Variants in RAD54B observed in about 807,000 individuals in gnomAD.
The protein encoded by RAD54B is RAD54 homolog B, also known as DNA repair and recombination protein RAD54B.
Under a neutral mutation model 95.8 loss-of-function variants are expected in RAD54B, and 78 were observed. The ratio of observed to expected loss-of-function variants is 0.81; its 90% CI spans 0.68 to 0.98. The LOEUF is 0.98. Ranked by LOEUF, RAD54B falls within the 50% of genes least tolerant of loss-of-function variation. The probability of loss-of-function intolerance (pLI) is 0.00; values close to 1 mark genes in which losing one functional copy is unlikely to be tolerated. For missense variants in RAD54B, 957 were observed against 1,056.6 expected (o/e 0.91, Z 1.31); for synonymous variants, 328 against 354.9 (o/e 0.92, Z 0.85).
intron 3 of RAD54B, among the ~76,000 whole-genome samples, chr8:94,412,471 T>A (rs1212629741): frequency 6.6e-6 from 1 of 151,454 alleles, no homozygotes; most frequent in African/African-American, 2.4e-5. Flanking sequence ...AAAGTAGAAA[T>A]GAGAATAAAT....
intron 3 of RAD54B, among the ~76,000 whole-genome samples, chr8:94,438,138 C>G (rs186005354): frequency 3.3e-5 from 5 of 152,320 alleles, no homozygotes; most frequent in Admixed American, 3.3e-4. Context: ...CAGCACCTAT[C>G]CAGGGAACTG....
chr8:94,403,644 T>C (rs1811314151), intron 6 of RAD54B, among the ~76,000 whole-genome samples: 1 of 150,582 alleles, frequency 6.6e-6, no homozygotes, highest in South Asian at 2.1e-4. Context: ...GCCATTGCAC[T>C]CCAGTCTGGG....
chr8:94,378,327 C>A lies in RAD54B; in HGVS notation c.2368G>T (p.Gly790Trp). The change falls in exon 14 of 15, where the codon GGG (glycine) becomes TGG (tryptophan). Residue 790 changes from glycine to tryptophan, a missense_variant. Transcript: ENST00000336148. ...QRQISKQGLC[G>W]AVVDLTKTSE... is the part of the protein sequence containing the mutation. ...GTCTTGGTGAGGTCGACAACTGCCCCACAAAGACCTTGCTTACTGATCTGC... is the reference window on the plus strand; with the variant it reads ...GTCTTGGTGAGGTCGACAACTGCCCAACAAAGACCTTGCTTACTGATCTGC... The A allele has an allele frequency of 6.2e-7, 1 of 1,613,960 alleles. No homozygotes were observed. The highest frequency in any genetic ancestry group is 1.7e-4 in the Middle Eastern group (1 of 6,058).
At chr8:94,463,596 A>G (rs928274569) in intron 2 of RAD54B, among the ~76,000 whole-genome samples, 2 of 151,986 alleles carry the variant, frequency 1.3e-5, no homozygotes, top group African/African-American at 4.8e-5. Context: ...AAATGAAAAC[A>G]TGGCCAAGTA....
At chr8:94,445,110 T>C (rs1812489521) in intron 3 of RAD54B, among the ~76,000 whole-genome samples, 1 of 152,100 alleles carries the variant, frequency 6.6e-6, no homozygotes, top group Non-Finnish European at 1.5e-5. Flanking sequence ...AAGTCCAAGA[T>C]AAAAACACCA....
At chr8:94,467,264 T>A (rs1319715469) in intron 2 of RAD54B, 141 bp downstream of exon 2, 1 of 754,636 alleles carries the variant, frequency 1.3e-6, no homozygotes, top group Admixed American at 3.2e-5. Context: ...GTAATCTTCA[T>A]TTCCAAGGTT....
intron 1 of RAD54B, chr8:94,467,866 T>A (rs998635314): frequency 5.4e-6 from 1 of 183,896 alleles, no homozygotes; most frequent in Non-Finnish European, 1.1e-5. Flanking sequence ...TCTTAACATA[T>A]GTCCTTGAGT....
intron 3 of RAD54B, among the ~76,000 whole-genome samples, chr8:94,454,820 C>A (rs949068872): frequency 1.3e-5 from 2 of 152,130 alleles, no homozygotes; most frequent in African/African-American, 4.8e-5. Flanking sequence ...TAAAAGAAAA[C>A]ACAAAAGTCT....
At chr8:94,390,556 A>T (rs2129982511) in intron 10 of RAD54B, among the ~76,000 whole-genome samples, 1 of 148,322 alleles carries the variant, frequency 6.7e-6, no homozygotes, top group East Asian at 1.9e-4. Context: ...TCTCCAGAAT[A>T]AGATTATATA....
At chr8:94,460,027 G>A (rs574546040) in intron 2 of RAD54B, among the ~76,000 whole-genome samples, 6 of 151,672 alleles carry the variant, frequency 4.0e-5, no homozygotes, top group East Asian at 3.9e-4. Flanking sequence ...GCGTGGTGGC[G>A]GGTGCCTGTA....
intron 2 of RAD54B, among the ~76,000 whole-genome samples, chr8:94,462,403 T>C (rs907250005): frequency 6.6e-6 from 1 of 152,224 alleles, no homozygotes; most frequent in Non-Finnish European, 1.5e-5. Flanking sequence ...TTCTATGCTT[T>C]AGCATTCCAC....
chr8:94,430,667 T>G (rs891387453), intron 3 of RAD54B: 10 of 751,542 alleles, frequency 1.3e-5, no homozygotes, highest in Non-Finnish European at 1.6e-5. Flanking sequence ...GGAAGCCCAA[T>G]GGCTCAGTGA....
At chr8:94,432,263 A>G (rs1812119128) in intron 3 of RAD54B, 1 of 1,550,208 alleles carries the variant, frequency 6.5e-7, no homozygotes, top group African/African-American at 1.4e-5. Context: ...TCTCCTGAAC[A>G]TACAATCCAA....
chr8:94,472,084 G>A (rs1813185168), intron 1 of RAD54B, among the ~76,000 whole-genome samples: 2 of 152,128 alleles, frequency 1.3e-5, no homozygotes, highest in Non-Finnish European at 2.9e-5. Context: ...TTTGAGGAAT[G>A]AGTAGGAGAG....
Position 94,430,404 on chromosome 8 carries a change from C to T in RAD54B, c.305-19089G>A, listed in dbSNP as rs991337969. On this transcript the variant is annotated intron_variant, in intron 3 of 14. Transcript: ENST00000336148. ...CCTCAGTTCACTTTCAACTACTCTT[C>T]GACAAAAATTTTGAGACTAGTATGA... The T allele has an allele frequency of 1.0e-4, 103 of 985,156 alleles. No individual in the cohort carries two copies. The African/African-American group carries it at 1.7e-3, about 16-fold the overall frequency. The allele number at this position is 985,156 out of a possible 1,614,324, so 61.0% of individuals were successfully genotyped here. A position where few individuals can be genotyped will look rare whatever the true frequency, so the allele number is the denominator to read the frequency against.
intron 5 of RAD54B, among the ~76,000 whole-genome samples, chr8:94,405,211 AC>A (rs1811359951): frequency 6.6e-6 from 1 of 152,212 alleles, no homozygotes; most frequent in Non-Finnish European, 1.5e-5. Context: ...CTAAAATATC[AC>A]CCAAAAAGGC....
At chr8:94,435,508 T>A (rs1327600503) in intron 3 of RAD54B, among the ~76,000 whole-genome samples, 1 of 152,134 alleles carries the variant, frequency 6.6e-6, no homozygotes, top group African/African-American at 2.4e-5. Context: ...TGTAAAGCTT[T>A]GTTTGAAAGG....
At chr8:94,406,847 T>A (rs530422610) in intron 5 of RAD54B, among the ~76,000 whole-genome samples, 1 of 152,192 alleles carries the variant, frequency 6.6e-6, no homozygotes, top group Non-Finnish European at 1.5e-5. Context: ...GCCCAACCCA[T>A]AAAAGGCAAT....
At chr8:94,416,579 T>C (rs1262913954) in intron 3 of RAD54B, among the ~76,000 whole-genome samples, 2 of 148,356 alleles carry the variant, frequency 1.3e-5, no homozygotes, top group Non-Finnish European at 3.0e-5. Context: ...CAGGCAAAAA[T>C]CTTAGACAAT....
Sources: gnomAD v4.1 joint callset for allele counts (sites outside exome capture counted in the v4.1 genomes callset) on GRCh38, gnomAD v4.1.1 for gene constraint, MANE v1.5 for transcripts, NCBI Gene and HGNC (gene_info 2026-07-23, HGNC 2026-07-21) for gene names.